Variants in SEL1L3 observed in about 807,000 individuals in gnomAD.
SEL1L3 encodes the protein protein sel-1 homolog 3.
SEL1L3 carries 76 observed loss-of-function variants against 142.8 expected under a neutral mutation model. The ratio of observed to expected loss-of-function variants is 0.53; its 90% CI spans 0.44 to 0.64. SEL1L3 has a LOEUF of 0.64. Ranked by LOEUF, SEL1L3 falls within the 30% of genes least tolerant of loss-of-function variation. The probability of loss-of-function intolerance (pLI) is 0.00; values close to 1 mark genes in which losing one functional copy is unlikely to be tolerated. For synonymous variants in SEL1L3, 504 were observed against 519.6 expected, an observed-to-expected ratio of 0.97 and a Z score of 0.41; for missense variants, 1,262 against 1,381.7, an observed-to-expected ratio of 0.91 and a Z score of 1.37.
intron 19 of SEL1L3, among the ~76,000 whole-genome samples, chr4:25,766,789 T>C (rs570983005): frequency 6.6e-6 from 1 of 152,132 alleles, no homozygotes; most frequent in Non-Finnish European, 1.5e-5. Context: ...TAGAAGTACT[T>C]GGACTTCTTC....
chr4:25,786,520 T>A (rs1361973425), intron 13 of SEL1L3, among the ~76,000 whole-genome samples: 3 of 152,198 alleles, frequency 2.0e-5, no homozygotes, highest in Admixed American at 2.0e-4. Flanking sequence ...GAGATCTTGG[T>A]AGGCAGAGAT....
intron 17 of SEL1L3, among the ~76,000 whole-genome samples, chr4:25,769,802 T>A (rs1234469639): frequency 6.6e-6 from 1 of 152,166 alleles, no homozygotes; most frequent in Non-Finnish European, 1.5e-5. Flanking sequence ...GGCTGGGATG[T>A]GGCTCGTGTT....
chr4:25,760,693 G>A (rs549823007), intron 20 of SEL1L3, among the ~76,000 whole-genome samples: 7 of 152,090 alleles, frequency 4.6e-5, no homozygotes, highest in Admixed American at 2.0e-4. Flanking sequence ...GCCTCTGACC[G>A]CAATCTAAAT....
chr4:25,767,723 A>G lies in SEL1L3; in HGVS notation c.2760+17T>C. 6.5e-7 allele frequency: 1 copy of G among 1,537,840 alleles called. No individual in the cohort carries two copies. The highest frequency in any genetic ancestry group is 8.9e-7 in the Non-Finnish European group (1 of 1,125,826). ...TAACCTCAGAGCTTCTACTCTGAGA[A>G]GAATACATTTACTTACTGGCCTCTC... On this transcript the variant is annotated intron_variant, in intron 18 of 23. Coordinates refer to ENST00000399878, the MANE Select transcript of SEL1L3 (RefSeq NM_015187.5).
At chr4:25,808,914 CA>C (rs1387878201) in intron 9 of SEL1L3, among the ~76,000 whole-genome samples, 20 of 17,710 alleles carry the variant, frequency 1.1e-3, no homozygotes, top group East Asian at 8.5e-3. Context: ...ACTAAAAATA[CA>C]AAAAAAAATT....
At chr4:25,830,349 G>A (rs1019236977) in intron 5 of SEL1L3, among the ~76,000 whole-genome samples, 193 bp from the exon 6 acceptor site, 51 of 152,194 alleles carry the variant, frequency 3.4e-4, no homozygotes, top group African/African-American at 1.2e-3. Flanking sequence ...CCCCAAATGT[G>A]ACTTGATGTG....
At chr4:25,833,216 G>A (rs1560341913) in intron 4 of SEL1L3, 106 bp from the exon 5 acceptor site, 4 of 760,416 alleles carry the variant, frequency 5.3e-6, no homozygotes, top group South Asian at 3.3e-5. Context: ...AATACTCCAC[G>A]AAAACAAAGC....
intron 7 of SEL1L3, among the ~76,000 whole-genome samples, chr4:25,821,518 A>G (rs1714754392): frequency 6.6e-6 from 1 of 152,216 alleles, no homozygotes; most frequent in Admixed American, 6.5e-5. Context: ...CCTGAACACA[A>G]TGCCCTTTTC....
At chr4:25,756,860 G>A (rs1299647395) in intron 23 of SEL1L3, 4 of 1,281,752 alleles carry the variant, frequency 3.1e-6, no homozygotes, top group Non-Finnish European at 4.1e-6. Context: ...AAGACTTCAT[G>A]CTGCCAGGAG....
At chr4:25,738,334 C>T in the SEL1L3 span, among the ~76,000 whole-genome samples, 2 of 152,106 alleles carry the variant, frequency 1.3e-5, no homozygotes, top group African/African-American at 4.8e-5. Context: ...GGTTAAGTCC[C>T]TTGGGGCTAA....
downstream of SEL1L3, chr4:25,747,319 C>T (rs1384678140): frequency 1.3e-5 from 2 of 149,358 alleles, no homozygotes; most frequent in African/African-American, 2.4e-5. Flanking sequence ...AAAATAAGCC[C>T]TCTCACCAGG....
At chr4:25,791,087 C>G (rs1334708285) in intron 11 of SEL1L3, among the ~76,000 whole-genome samples, 1 of 152,230 alleles carries the variant, frequency 6.6e-6, no homozygotes, top group Admixed American at 6.5e-5. Context: ...TCGAAGTCCA[C>G]TTCGTGCAAC....
chr4:25,727,669 G>T, the SEL1L3 span, among the ~76,000 whole-genome samples: 1 of 152,088 alleles, frequency 6.6e-6, no homozygotes, highest in Non-Finnish European at 1.5e-5. Context: ...TGAAAGCTGT[G>T]AGTCTGGCAT....
chr4:25,831,507 A>ATT (rs1560339999), intron 5 of SEL1L3, among the ~76,000 whole-genome samples: 96 of 112,196 alleles, frequency 8.6e-4, no homozygotes, highest in East Asian at 2.7e-3. Flanking sequence ...TAATAATAAT[A>ATT]ATAATTATTA....
intron 19 of SEL1L3, 100 bp downstream of exon 19, chr4:25,767,425 T>C: frequency 1.5e-6 from 1 of 684,736 alleles, no homozygotes; most frequent in East Asian, 2.7e-5. Flanking sequence ...TTCTAATTAT[T>C]TAGAAATACC....
At chr4:25,780,973 G>A (rs953877765) in intron 15 of SEL1L3, among the ~76,000 whole-genome samples, 1 of 151,608 alleles carries the variant, frequency 6.6e-6, no homozygotes, top group Non-Finnish European at 1.5e-5. Context: ...TTACAAGCAT[G>A]CACCACCACA....
the SEL1L3 span, among the ~76,000 whole-genome samples, chr4:25,724,756 AAAAAAAAAAAAAAAAG>A: frequency 1.4e-4 from 14 of 98,220 alleles, no homozygotes; most frequent in South Asian, 1.0e-3. Flanking sequence ...AAAAAAAAAA[AAAAAAAAAAAAAAAAG>A]GAAAAGAAAT....
At chr4:25,771,173 T>G (rs1322546091) in intron 17 of SEL1L3, among the ~76,000 whole-genome samples, 1 of 152,232 alleles carries the variant, frequency 6.6e-6, no homozygotes, top group Non-Finnish European at 1.5e-5. Flanking sequence ...TCAGCATTTT[T>G]TAATTGCAGG....
chr4:25,725,513 A>G, the SEL1L3 span, among the ~76,000 whole-genome samples: 2 of 152,066 alleles, frequency 1.3e-5, no homozygotes, highest in African/African-American at 2.4e-5. Context: ...ACGATGTTTC[A>G]CCATGTTGGC....
Sources: gnomAD v4.1 joint callset for allele counts (sites outside exome capture counted in the v4.1 genomes callset) on GRCh38, gnomAD v4.1.1 for gene constraint, MANE v1.5 for transcripts, NCBI Gene and HGNC (gene_info 2026-07-23, HGNC 2026-07-21) for gene names.